Variants in MAPT observed in about 807,000 individuals in gnomAD.
MAPT encodes the protein microtubule associated protein tau, also known as microtubule-associated protein tau.
In MAPT, 34 loss-of-function variants were observed where a neutral mutation model predicts 67.9. That is an observed-to-expected ratio of 0.50 (90% CI 0.38 to 0.67). MAPT has a LOEUF of 0.67. MAPT is among the 30% of genes least tolerant of loss of function. The probability of loss-of-function intolerance (pLI) is 0.00; values close to 1 mark genes in which losing one functional copy is unlikely to be tolerated. For missense variants in MAPT, 881 were observed against 1,115.2 expected (o/e 0.79, Z 2.99); for synonymous variants, 456 against 464.5 (o/e 0.98, Z 0.23).
intron 1 of MAPT, among the ~76,000 whole-genome samples, chr17:45,941,705 G>GCCTGCCTTCCTTCCTTCCTT (rs1390391054): frequency 3.9e-5 from 1 of 25,576 alleles, no homozygotes; most frequent in African/African-American, 1.1e-4. Flanking sequence ...CTTCCTGCCT[G>GCCTGCCTTCCTTCCTTCCTT]CCTTCCTTCC....
In MAPT at chr17:46,024,073, A is replaced by C. The variant is rs777148159; in HGVS notation, c.2404A>C (p.Asn802His). ...GGACACGTCTCCACGGCATCTCAGC[A>C]ATGTCTCCTCCACCGGCAGCATCGA... ...SGDTSPRHLSNVSSTGSIDMV... is the reference protein window; with the variant it reads ...SGDTSPRHLSHVSSTGSIDMV... The change falls in exon 13 of 13, where the codon AAT becomes CAT. Residue 802 changes from asparagine to histidine, a missense_variant. By Grantham distance (68) the Asn-to-His change is moderately conservative. Around this residue, in one of 6 missense-constraint regions of MAPT, gnomAD observed 79 missense variants for 150.9 expected, o/e 0.52. Coordinates refer to ENST00000262410, the MANE Select transcript of MAPT (RefSeq NM_001377265.1). 13 of 1,614,144 alleles carry C rather than the reference A, an allele frequency of 8.1e-6. No homozygotes were observed. The highest frequency in any genetic ancestry group is 1.0e-5 in the Non-Finnish European group (12 of 1,180,020).
intron 1 of MAPT, among the ~76,000 whole-genome samples, chr17:45,912,441 A>G (rs952674705): frequency 5.9e-5 from 9 of 152,238 alleles, no homozygotes; most frequent in Admixed American, 2.0e-4. Flanking sequence ...TGGAAAACAC[A>G]GAAGAGAAGA....
chr17:46,003,933 A>G (rs2075227180), intron 9 of MAPT, among the ~76,000 whole-genome samples: 1 of 152,182 alleles, frequency 6.6e-6, no homozygotes, highest in Non-Finnish European at 1.5e-5. Context: ...AGGTGACTCT[A>G]CCCTGTTATT....
chr17:45,953,155 T>C (rs1327503996), intron 1 of MAPT, among the ~76,000 whole-genome samples: 2 of 152,224 alleles, frequency 1.3e-5, no homozygotes, highest in African/African-American at 4.8e-5. Flanking sequence ...GCCCTGGGGC[T>C]ATGGCACTGC....
At chr17:45,946,402 G>A (rs1225243701) in intron 1 of MAPT, among the ~76,000 whole-genome samples, 1 of 151,792 alleles carries the variant, frequency 6.6e-6, no homozygotes, top group African/African-American at 2.4e-5. Flanking sequence ...AGGAGTTCGA[G>A]ATCAACCTGG....
intron 1 of MAPT, among the ~76,000 whole-genome samples, chr17:45,941,367 A>G (rs141975645): frequency 2.4e-4 from 36 of 152,190 alleles, no homozygotes; most frequent in Middle Eastern, 3.4e-3. Context: ...AAGACCCAGA[A>G]GCCTCTCAGA....
At chr17:45,985,764 G>A in intron 5 of MAPT, 1 of 982,948 alleles carries the variant, frequency 1.0e-6, no homozygotes, top group Non-Finnish European at 1.2e-6. Flanking sequence ...ATCCGCCTGG[G>A]GCTCTTACTA....
chr17:45,987,052 G>A lies in MAPT; in HGVS notation c.1364G>A (p.Ser455Asn), dbSNP rs201458656. The A allele has an allele frequency of 8.7e-5, 141 of 1,613,854 alleles. 1 individual carries two copies. The highest frequency in any genetic ancestry group is 3.9e-5 in the Non-Finnish European group (46 of 1,179,910). Residue 455 changes from serine (S) to asparagine (N), a missense_variant, in exon 6 of 13, where the codon AGT becomes AAT. Physicochemically the swap from Ser to Asn is conservative, Grantham distance 46. This residue lies in a region of MAPT where 687 missense variants were observed against 766.1 expected (regional missense o/e 0.90). Transcript: ENST00000262410. ...RVPQLKARMV[S>N]KSKDGTGSDD... is the part of the protein sequence containing the mutation. Reference sequence around the variant, plus strand: ...TATATTTTATCAGCTCGCATGGTCAGTAAAAGCAAAGACGGGACTGGAAGC... The same window carrying A: ...TATATTTTATCAGCTCGCATGGTCAATAAAAGCAAAGACGGGACTGGAAGC...
chr17:46,013,847 C>G (rs761636407), intron 10 of MAPT, among the ~76,000 whole-genome samples: 2 of 152,168 alleles, frequency 1.3e-5, no homozygotes, highest in Non-Finnish European at 2.9e-5. Flanking sequence ...TTCTTCATGC[C>G]TGATTGTGAT....
intron 11 of MAPT, among the ~76,000 whole-genome samples, chr17:46,016,573 C>T (rs546277403): frequency 2.6e-4 from 40 of 152,078 alleles, no homozygotes; most frequent in African/African-American, 9.6e-4. Context: ...AGATCAAGAC[C>T]ATCCTGGCTA....
chr17:45,926,957 GTATATATATA>G lies in MAPT; in HGVS notation c.-18+32272_-18+32281del, dbSNP rs1256594865. Among the ~76,000 whole-genome samples the G allele has an allele frequency of 3.7e-5, 4 of 107,230 alleles. No homozygotes were observed. In the East Asian group the frequency reaches 7.8e-4, roughly 21 times the overall value. 70.3% of individuals were successfully genotyped at this position (107,230 alleles called of 152,430 possible). On this transcript the variant is annotated intron_variant, in intron 1 of 12. Coordinates refer to ENST00000262410, the MANE Select transcript of MAPT (RefSeq NM_001377265.1). ...TATACACATATATATACATATATGTGTATATATATACATATATGTGTATATATATACACAC... is the reference window on the plus strand; with the variant it reads ...TATACACATATATATACATATATGTGCATATATGTGTATATATATACACAC...
chr17:45,934,637 G>T (rs1028832665), intron 1 of MAPT, among the ~76,000 whole-genome samples: 2 of 152,146 alleles, frequency 1.3e-5, no homozygotes, highest in African/African-American at 2.4e-5. Context: ...GTGGACTTGC[G>T]CACGTAACCA....
chr17:45,943,440 G>A (rs1258517066), intron 1 of MAPT, among the ~76,000 whole-genome samples: 1 of 152,094 alleles, frequency 6.6e-6, no homozygotes, highest in Non-Finnish European at 1.5e-5. Context: ...GTTCATTACT[G>A]GCAGACAACT....
chr17:45,917,773 TTTTTTTTTTTC>T (rs200326647), intron 1 of MAPT, among the ~76,000 whole-genome samples: 21,512 of 151,452 alleles, frequency 0.14, 2,049 homozygotes, highest in Non-Finnish European at 0.22. Flanking sequence ...CCAGCGTCTT[TTTTTTTTTTTC>T]TTTTTTTTTA....
chr17:45,943,206 A>G lies in MAPT; in HGVS notation c.-17-19115A>G, dbSNP rs141073353. Among the ~76,000 whole-genome samples the G allele has an allele frequency of 3.3e-5, 5 of 152,306 alleles. No individual in the cohort carries two copies. In the East Asian group the frequency reaches 7.7e-4, roughly 24 times the overall value. ...GTAGCTGGGATTATAGATGTGCACCATCGTGCCTAGCTAAATTTTTGTACT... is the reference window on the plus strand; with the variant it reads ...GTAGCTGGGATTATAGATGTGCACCGTCGTGCCTAGCTAAATTTTTGTACT... On this transcript the variant is annotated intron_variant, in intron 1 of 12. Transcript: ENST00000262410.
intron 10 of MAPT, among the ~76,000 whole-genome samples, chr17:46,012,521 G>A (rs1288128940): frequency 6.6e-6 from 1 of 152,088 alleles, no homozygotes; most frequent in Non-Finnish European, 1.5e-5. Context: ...GGCATCTGGG[G>A]GCACTGGATC....
chr17:45,975,035 T>C (rs1228593825), intron 3 of MAPT: 1 of 153,752 alleles, frequency 6.5e-6, no homozygotes, highest in Non-Finnish European at 1.4e-5. Flanking sequence ...GAATGCCTTG[T>C]CAACATGGGT....
At chr17:45,955,009 A>AAAAAC (rs2069475659) in intron 1 of MAPT, among the ~76,000 whole-genome samples, 1 of 146,536 alleles carries the variant, frequency 6.8e-6, no homozygotes, top group African/African-American at 2.7e-5. Flanking sequence ...AAACAAAAAC[A>AAAAAC]AAAAAAAATT....
intron 1 of MAPT, among the ~76,000 whole-genome samples, chr17:45,917,914 A>G (rs1032737485): frequency 1.3e-5 from 2 of 152,054 alleles, no homozygotes; most frequent in African/African-American, 4.8e-5. Context: ...GCAAGACTAC[A>G]GGTGCGCACC....
Sources: gnomAD v4.1 joint callset for allele counts (sites outside exome capture counted in the v4.1 genomes callset) on GRCh38, gnomAD v4.1.1 for gene constraint, gnomAD v4.1.1 regional missense constraint, MANE v1.5 for transcripts, NCBI Gene and HGNC (gene_info 2026-07-23, HGNC 2026-07-21) for gene names.